STK39: variants seen among roughly 807,000 people sequenced by gnomAD.
The protein encoded by STK39 is serine/threonine kinase 39.
In STK39, 20 loss-of-function variants were observed where a neutral mutation model predicts 77.8. The ratio of observed to expected loss-of-function variants is 0.26; its 90% CI spans 0.18 to 0.37. STK39 has a LOEUF of 0.37. Ranked by LOEUF, STK39 falls within the 10% of genes least tolerant of loss-of-function variation. The probability of loss-of-function intolerance (pLI) is 1.00; values close to 1 mark genes in which losing one functional copy is unlikely to be tolerated. For missense variants in STK39, 479 were observed against 656.5 expected (o/e 0.73, Z 2.95); for synonymous variants, 246 against 234.1 (o/e 1.05, Z -0.47).
chr2:167,965,730 G>A (rs564079962), intron 16 of STK39, among the ~76,000 whole-genome samples: 2 of 152,268 alleles, frequency 1.3e-5, no homozygotes, highest in South Asian at 4.1e-4. Context: ...TGCTTCAGTA[G>A]TTAGGTATTG....
intron 14 of STK39, among the ~76,000 whole-genome samples, chr2:168,031,190 CCCAGAAGGGCAAGGGTA>C (rs1168578885): frequency 1.3e-5 from 2 of 151,954 alleles, no homozygotes; most frequent in Non-Finnish European, 2.9e-5. Context: ...GGTGACATCT[CCCAGAAGGGCAAGGGTA>C]CCAGAAGGGG....
chr2:168,026,351 C>T (rs1285424913), intron 14 of STK39, among the ~76,000 whole-genome samples: 2 of 152,186 alleles, frequency 1.3e-5, no homozygotes, highest in Non-Finnish European at 2.9e-5. Context: ...AAGGTCCAAT[C>T]ACAGAATCAT....
chr2:168,241,249 G>GA lies in STK39; in HGVS notation c.208+5978dup, dbSNP rs373379987. Among the ~76,000 whole-genome samples, 539 of 152,306 alleles carry GA rather than the reference G, an allele frequency of 3.5e-3. 2 individuals carry two copies. The highest frequency in any genetic ancestry group is 0.012 in the African/African-American group (518 of 41,562). On this transcript the variant is annotated intron_variant, in intron 1 of 17. Coordinates refer to ENST00000355999, the MANE Select transcript of STK39 (RefSeq NM_013233.3). ...GGAAGCAATGGTGATGACTTTATCT[G>GA]AAAATGAAGGCCTCTGTCCTCGCAC... is the stretch of plus-strand genomic sequence containing the variant.
chr2:167,994,875 C>T (rs1683793365), intron 16 of STK39, among the ~76,000 whole-genome samples: 1 of 151,978 alleles, frequency 6.6e-6, no homozygotes. Context: ...AAAGTTAAAT[C>T]CTTCAGGTCA....
intron 17 of STK39, among the ~76,000 whole-genome samples, chr2:167,959,833 A>ACTAATAG (rs1691896112): frequency 6.6e-6 from 1 of 152,178 alleles, no homozygotes; most frequent in Admixed American, 6.5e-5. Flanking sequence ...ATGTTGCTGC[A>ACTAATAG]TGTGTGCCGA....
intron 17 of STK39, among the ~76,000 whole-genome samples, chr2:167,962,499 A>G (rs1360300573): frequency 6.6e-6 from 1 of 152,206 alleles, no homozygotes; most frequent in Non-Finnish European, 1.5e-5. Context: ...GGTTTTCGTT[A>G]ACCATCTTTA....
chr2:168,169,500 C>CA (rs1442127987), intron 2 of STK39, among the ~76,000 whole-genome samples: 1 of 152,132 alleles, frequency 6.6e-6, no homozygotes, highest in African/African-American at 2.4e-5. Flanking sequence ...AATGGTCATA[C>CA]AAAAGGAAAT....
intron 16 of STK39, among the ~76,000 whole-genome samples, chr2:167,968,056 C>T (rs1692209661): frequency 6.6e-6 from 1 of 152,022 alleles, no homozygotes. Context: ...TTTTCTGTCC[C>T]TGTGTTAATT....
intron 10 of STK39, among the ~76,000 whole-genome samples, chr2:168,111,600 T>C (rs1445930644): frequency 2.0e-5 from 3 of 152,208 alleles, no homozygotes; most frequent in African/African-American, 4.8e-5. Context: ...TTCTGTGCTG[T>C]TGATAAAATG....
chr2:168,198,424 T>C (rs1021524639), intron 1 of STK39, among the ~76,000 whole-genome samples: 1 of 152,208 alleles, frequency 6.6e-6, no homozygotes, highest in African/African-American at 2.4e-5. Flanking sequence ...TGGTGTAAAT[T>C]AAAGCTAAAA....
Position 167,955,573 on chromosome 2 carries a change from G to A in STK39, c.1564-3C>T. ...TCCGACCCATCACAGCCAGAAGCCT[G>A]AAAAGGGAAAAAGAAAGCCTCAATG... On this transcript the variant is annotated splice_polypyrimidine_tract_variant and splice_region_variant and intron_variant, in intron 17 of 17. Coordinates refer to ENST00000355999, the MANE Select transcript of STK39 (RefSeq NM_013233.3). 6.2e-7 allele frequency: 1 copy of A among 1,612,910 alleles called. No individual in the cohort carries two copies. The highest frequency in any genetic ancestry group is 1.1e-5 in the South Asian group (1 of 90,800).
chr2:168,116,178 CA>C (rs1171789572), intron 10 of STK39, among the ~76,000 whole-genome samples: 1 of 152,172 alleles, frequency 6.6e-6, no homozygotes, highest in African/African-American at 2.4e-5. Flanking sequence ...CAGCTTTCCA[CA>C]AAGTCACAGA....
chr2:167,973,347 G>C (rs1469259695), intron 16 of STK39, among the ~76,000 whole-genome samples: 1 of 152,092 alleles, frequency 6.6e-6, no homozygotes, highest in Non-Finnish European at 1.5e-5. Flanking sequence ...TACCTATTTT[G>C]GAGCATTAGA....
chr2:168,097,831 T>C (rs1219496168), intron 10 of STK39, among the ~76,000 whole-genome samples: 1 of 152,210 alleles, frequency 6.6e-6, no homozygotes, highest in Non-Finnish European at 1.5e-5. Flanking sequence ...CATGTGATTG[T>C]TATAGAACAT....
intron 2 of STK39, among the ~76,000 whole-genome samples, 162 bp from the exon 3 acceptor site, chr2:168,167,569 T>C (rs1010617098): frequency 6.6e-6 from 1 of 152,152 alleles, no homozygotes; most frequent in African/African-American, 2.4e-5. Context: ...GGACCAATTC[T>C]CTCACCCACA....
chr2:168,109,891 G>A (rs1687076444), intron 10 of STK39, among the ~76,000 whole-genome samples: 2 of 152,116 alleles, frequency 1.3e-5, no homozygotes, highest in Admixed American at 1.3e-4. Flanking sequence ...GTGTGTTTAT[G>A]TTCATTTTTC....
intron 2 of STK39, among the ~76,000 whole-genome samples, chr2:168,172,315 G>A (rs922827400): frequency 2.0e-5 from 3 of 152,180 alleles, no homozygotes; most frequent in Admixed American, 2.0e-4. Flanking sequence ...CAACAGAAAT[G>A]TCACAGGACA....
intron 14 of STK39, among the ~76,000 whole-genome samples, chr2:168,017,614 C>T (rs996273792): frequency 6.6e-6 from 1 of 151,920 alleles, no homozygotes; most frequent in Non-Finnish European, 1.5e-5. Context: ...TCAGGTGATC[C>T]CCCCAGCCTC....
chr2:167,976,021 C>T (rs1424137473), intron 16 of STK39, among the ~76,000 whole-genome samples: 1 of 152,186 alleles, frequency 6.6e-6, no homozygotes, highest in East Asian at 1.9e-4. Context: ...TTTATTCCCT[C>T]ACAGATACTG....
Sources: allele counts gnomAD v4.1 joint callset (sites outside exome capture counted in the v4.1 genomes callset), GRCh38; gene constraint gnomAD v4.1.1; transcripts MANE v1.5; gene names NCBI Gene and HGNC (gene_info 2026-07-23, HGNC 2026-07-21).